PPP5C: variants seen among roughly 807,000 people sequenced by gnomAD.
PPP5C encodes protein phosphatase 5 catalytic subunit.
Under a neutral mutation model 66.7 loss-of-function variants are expected in PPP5C, and 21 were observed. That is an observed-to-expected ratio of 0.31 (90% CI 0.22 to 0.45). The LOEUF is 0.45. Among genes scored for constraint, PPP5C ranks in the 20% least tolerant of loss-of-function variants. The pLI is 1.00. For synonymous variants in PPP5C, 246 were observed against 257.4 expected (o/e 0.96, Z 0.43); for missense variants, 464 against 675.9 (o/e 0.69, Z 3.48).
In PPP5C at chr19:46,372,859, C is replaced by T. The variant is rs141397829; in HGVS notation, c.364-2745C>T. 1.8e-3 allele frequency among the ~76,000 whole-genome samples: 275 copies of T among 152,352 alleles called. 10 individuals are homozygous for T. The East Asian group carries it at 0.042, about 24-fold the overall frequency. ...GTGAAGTTCTGACCCGGTGGGCCTT[C>T]AGGAGCTGAGTCCCTTCTGGTCTGG... On this transcript the variant is annotated intron_variant, in intron 2 of 12. Coordinates refer to ENST00000012443, the MANE Select transcript of PPP5C (RefSeq NM_006247.4).
At chr19:46,389,959 C>T (rs949168248) in intron 11 of PPP5C, 92 bp from the exon 12 acceptor site, 27 of 1,167,220 alleles carry the variant, frequency 2.3e-5, no homozygotes, top group Non-Finnish European at 3.5e-5. Context: ...CTCCCTCTCC[C>T]TCTGTCCCTT....
intron 2 of PPP5C, among the ~76,000 whole-genome samples, chr19:46,373,097 G>T (rs73940698): frequency 3.3e-5 from 5 of 152,244 alleles, no homozygotes. Context: ...ATGTGAGGCC[G>T]CCTGTCCTGG....
intron 2 of PPP5C, among the ~76,000 whole-genome samples, chr19:46,367,576 A>T (rs1972511986): frequency 6.6e-6 from 1 of 152,170 alleles, no homozygotes; most frequent in African/African-American, 2.4e-5. Context: ...ACTCACCCAC[A>T]CTGGAGGGTC....
chr19:46,373,631 A>AC (rs1458568940), intron 2 of PPP5C, among the ~76,000 whole-genome samples: 1 of 150,216 alleles, frequency 6.7e-6, no homozygotes, highest in Non-Finnish European at 1.5e-5. Context: ...TCAGTCACTC[A>AC]TTCATTTCTT....
At chr19:46,379,226 G>T (rs1443122132) in intron 4 of PPP5C, among the ~76,000 whole-genome samples, 2 of 152,012 alleles carry the variant, frequency 1.3e-5, no homozygotes, top group African/African-American at 4.8e-5. Flanking sequence ...GCTAACTTCT[G>T]TATTTTTAGT....
At chr19:46,384,933 T>C in intron 7 of PPP5C, 24 bp downstream of exon 7, 1 of 1,581,186 alleles carries the variant, frequency 6.3e-7, no homozygotes, top group Non-Finnish European at 8.7e-7. Context: ...TGACAAGGTT[T>C]GGGTTCATTG....
At position 46,388,496 on chromosome 19, in the gene PPP5C, C is replaced by G. The variant is rs770440583; in HGVS notation, c.1176+48C>G. The stretch of plus-strand genomic sequence containing the variant: ...GGCCGGCGGGTGTGGGCTGTGGCAG[C>G]AGGTGGAGGCAGACAGTCACCCTGA... On this transcript the variant is annotated intron_variant, in intron 10 of 12. Coordinates refer to ENST00000012443, the MANE Select transcript of PPP5C (RefSeq NM_006247.4). This position sits in a 1 kb window ranked among gnomAD's most constrained non-coding sequence, Gnocchi z 4.9. 4 of 1,609,248 alleles carry G rather than the reference C, an allele frequency of 2.5e-6. No individual in the cohort carries two copies. Among genetic ancestry groups the G allele is most frequent in the East Asian group, 2.2e-5 (1 of 44,750 alleles).
rs929355987 is a variant in PPP5C, at chr19:46,387,001, G to A, written c.905-92G>A. The A allele has an allele frequency of 3.1e-5, 49 of 1,569,628 alleles. No homozygotes were observed. The Admixed American group carries it at 7.0e-4, about 22-fold the overall frequency. ...TGCGAGGCCCATGGGGGCAAGGGAC[G>A]CATGCACAGTTCTGGGCCTTGAGGG... is the stretch of plus-strand genomic sequence containing the variant. On this transcript the variant is annotated intron_variant, in intron 7 of 12. Transcript: ENST00000012443.
rs750383248 is a variant in PPP5C at position 46,347,274 on chromosome 19, C to A, written c.121+57C>A. 40 of 1,526,374 alleles carry A rather than the reference C, an allele frequency of 2.6e-5. No individual in the cohort carries two copies. The East Asian group carries it at 9.1e-4, about 35-fold the overall frequency. The allele number at this position is 1,526,374 out of a possible 1,614,324, so 94.6% of individuals were successfully genotyped here. A position where few individuals can be genotyped will look rare whatever the true frequency, so the allele number is the denominator to read the frequency against. ...GGCCCAGGCTGAGGGGTGCCGGGCCCGCGCGGAACCATAGCAACGCGGAGC... is the reference window on the plus strand; with the variant it reads ...GGCCCAGGCTGAGGGGTGCCGGGCCAGCGCGGAACCATAGCAACGCGGAGC... On this transcript the variant is annotated intron_variant, in intron 1 of 12. Transcript: ENST00000012443.
intron 9 of PPP5C, chr19:46,387,905 C>G: frequency 2.8e-6 from 1 of 358,434 alleles, no homozygotes; most frequent in South Asian, 3.0e-5. Flanking sequence ...GCTGACACTG[C>G]GGGAAGCAGA....
intron 7 of PPP5C, 184 bp from the exon 8 acceptor site, chr19:46,386,909 A>G (rs1160259857): frequency 2.5e-6 from 2 of 794,080 alleles, no homozygotes; most frequent in South Asian, 3.5e-5. Flanking sequence ...GTGCTTAGCC[A>G]TGGACCTACT....
intron 11 of PPP5C, among the ~76,000 whole-genome samples, chr19:46,389,827 G>C (rs950271368): frequency 6.6e-6 from 1 of 151,032 alleles, no homozygotes; most frequent in African/African-American, 2.4e-5. Flanking sequence ...TCCTGCTCCT[G>C]CTTCCTGCAC....
chr19:46,390,147 A>G lies in PPP5C; in HGVS notation c.1437+15A>G. 1 of 1,612,768 alleles carries G rather than the reference A, an allele frequency of 6.2e-7. No homozygotes were observed. The highest frequency in any genetic ancestry group is 8.5e-7 in the Non-Finnish European group (1 of 1,178,970). ...TCACAGCAGTGGTGAGTCACCCCTC[A>G]GGGCCCCTGCCCCTTCCATCCCGGC... On this transcript the variant is annotated intron_variant, in intron 12 of 12. Coordinates refer to ENST00000012443, the MANE Select transcript of PPP5C (RefSeq NM_006247.4).
chr19:46,380,889 G>A (rs1972778706), intron 4 of PPP5C, among the ~76,000 whole-genome samples: 1 of 152,038 alleles, frequency 6.6e-6, no homozygotes, highest in African/African-American at 2.4e-5. Flanking sequence ...CTTTTTTTGA[G>A]TCTGTGGGTT....
At position 46,388,850 on chromosome 19, in the gene PPP5C, A is replaced by G; in HGVS notation, c.1355+119A>G. On this transcript the variant is annotated intron_variant, in intron 11 of 12. Transcript: ENST00000012443. The surrounding 1 kb of genome is among the most constrained non-coding windows in gnomAD (Gnocchi z 4.9). ...GACAGGCAAGAGCAGATAAAAGAAC[A>G]TGACGAACACCCCCGTATGTGTCAC... 7.6e-7 allele frequency: 1 copy of G among 1,307,254 alleles called. No homozygotes were observed. Among genetic ancestry groups the G allele is most frequent in the Non-Finnish European group, 1.1e-6 (1 of 948,014 alleles). 81.0% of individuals were successfully genotyped at this position (1,307,254 alleles called of 1,614,324 possible).
chr19:46,385,985 C>T (rs1266449883), intron 7 of PPP5C, among the ~76,000 whole-genome samples: 1 of 151,628 alleles, frequency 6.6e-6, no homozygotes, highest in Non-Finnish European at 1.5e-5. Context: ...GAAGTAGAGC[C>T]CAGAGTATTT....
In PPP5C at chr19:46,388,312, G is replaced by A. The variant is rs1440999681; in HGVS notation, c.1136-96G>A. 1.5e-6 allele frequency: 2 copies of A among 1,350,880 alleles called. No individual in the cohort carries two copies. Among genetic ancestry groups the A allele is most frequent in the Non-Finnish European group, 1.0e-6 (1 of 993,756 alleles). 83.7% of individuals were successfully genotyped at this position (1,350,880 alleles called of 1,614,324 possible). On this transcript the variant is annotated intron_variant, in intron 9 of 12. Coordinates refer to ENST00000012443, the MANE Select transcript of PPP5C (RefSeq NM_006247.4). The surrounding 1 kb of genome is among the most constrained non-coding windows in gnomAD (Gnocchi z 4.9). ...GCCCAACACCCACCCAGGCTGGGCT[G>A]TGGGGTCAGCACCTGGCCGGGCCAG...
At chr19:46,367,994 G>A (rs11665665) in intron 2 of PPP5C, among the ~76,000 whole-genome samples, 22,927 of 152,114 alleles carry the variant, frequency 0.15, 2,238 homozygotes, top group Middle Eastern at 0.25. Flanking sequence ...AGCAGCTGGC[G>A]GAAAATCCCC....
At chr19:46,387,691 C>T in intron 9 of PPP5C, 1 of 1,448,224 alleles carries the variant, frequency 6.9e-7, no homozygotes, top group Non-Finnish European at 9.1e-7. Flanking sequence ...CCGAGCACAC[C>T]TGTCCTTATT....
Sources: gnomAD v4.1 joint callset for allele counts (sites outside exome capture counted in the v4.1 genomes callset) on GRCh38, gnomAD v4.1.1 for gene constraint, Gnocchi (gnomAD v3.1) non-coding constraint, MANE v1.5 for transcripts, NCBI Gene and HGNC (gene_info 2026-07-23, HGNC 2026-07-21) for gene names.